The following CACNA2D1 variants were observed in gnomAD, a reference collection of about 807,000 sequenced individuals.
The protein encoded by CACNA2D1 is calcium voltage-gated channel auxiliary subunit alpha2delta 1.
Under a neutral mutation model 171.5 loss-of-function variants are expected in CACNA2D1, and 53 were observed. That is an observed-to-expected ratio of 0.31 (90% CI 0.25 to 0.39). The LOEUF (loss-of-function observed/expected upper bound fraction) is 0.39, where lower values mean the gene tolerates loss of function less well. Among genes scored for constraint, CACNA2D1 ranks in the 10% least tolerant of loss-of-function variants. The pLI is 1.00. For synonymous variants in CACNA2D1, 442 were observed against 443.1 expected (o/e 1.00, Z 0.03); for missense variants, 903 against 1,299.8 (o/e 0.69, Z 4.69).
intron 12 of CACNA2D1, among the ~76,000 whole-genome samples, chr7:82,017,356 T>A (rs1800624672): frequency 6.6e-6 from 1 of 152,166 alleles, no homozygotes; most frequent in Admixed American, 6.5e-5. Context: ...TCTTTGTACA[T>A]TTTAGCTAAT....
At chr7:82,151,415 A>G (rs1793842419) in intron 4 of CACNA2D1, among the ~76,000 whole-genome samples, 1 of 152,138 alleles carries the variant, frequency 6.6e-6, no homozygotes, top group African/African-American at 2.4e-5. Context: ...GTCAAATTTA[A>G]AAATCTACAT....
At chr7:82,143,503 G>A (rs1463579439) in intron 4 of CACNA2D1, among the ~76,000 whole-genome samples, 1 of 152,054 alleles carries the variant, frequency 6.6e-6, no homozygotes, top group Non-Finnish European at 1.5e-5. Context: ...TGTCTTTTAA[G>A]TGCTATCTTC....
chr7:82,320,160 C>T (rs990446760), intron 3 of CACNA2D1, among the ~76,000 whole-genome samples: 1 of 151,936 alleles, frequency 6.6e-6, no homozygotes, highest in East Asian at 1.9e-4. Flanking sequence ...AACAAAGGCA[C>T]TAATCTGCAG....
At chr7:82,080,324 G>T (rs1809594813) in intron 7 of CACNA2D1, among the ~76,000 whole-genome samples, 1 of 151,920 alleles carries the variant, frequency 6.6e-6, no homozygotes, top group African/African-American at 2.4e-5. Context: ...TAGCTCTGTG[G>T]CAAGTATTCA....
intron 2 of CACNA2D1, among the ~76,000 whole-genome samples, chr7:82,336,495 T>A (rs955211708): frequency 1.3e-5 from 2 of 152,228 alleles, no homozygotes; most frequent in Non-Finnish European, 2.9e-5. Flanking sequence ...GATTTTACCA[T>A]ACTCATGTGA....
chr7:82,030,325 A>G (rs76190933), intron 12 of CACNA2D1, among the ~76,000 whole-genome samples: 38,556 of 151,284 alleles, frequency 0.25, 4,982 homozygotes, highest in Middle Eastern at 0.48. Context: ...TGTGTGTTTA[A>G]AAAAAAGAAA....
intron 5 of CACNA2D1, 32 bp downstream of exon 5, chr7:82,136,603 T>C: frequency 6.5e-7 from 1 of 1,532,930 alleles, no homozygotes; most frequent in Non-Finnish European, 8.9e-7. Context: ...TATAATTTTC[T>C]TGGAATTTAA....
At chr7:82,012,748 GTTTCA>G (rs1047847402) in intron 14 of CACNA2D1, among the ~76,000 whole-genome samples, 3 of 152,004 alleles carry the variant, frequency 2.0e-5, no homozygotes, top group Non-Finnish European at 4.4e-5. Context: ...TGCAGCTGCT[GTTTCA>G]TTTCAACATT....
At chr7:82,425,306 G>A (rs1391545359) in intron 1 of CACNA2D1, among the ~76,000 whole-genome samples, 14 of 152,098 alleles carry the variant, frequency 9.2e-5, no homozygotes, top group African/African-American at 3.1e-4. Context: ...GATTTTGAAA[G>A]AGGAGCAGGA....
At chr7:82,067,392 G>C (rs1053549982) in intron 7 of CACNA2D1, among the ~76,000 whole-genome samples, 1 of 152,056 alleles carries the variant, frequency 6.6e-6, no homozygotes, top group South Asian at 2.1e-4. Context: ...AATCAATTTC[G>C]CTTTTCTGAG....
At chr7:82,156,012 T>C (rs572779747) in intron 4 of CACNA2D1, among the ~76,000 whole-genome samples, 4 of 152,202 alleles carry the variant, frequency 2.6e-5, no homozygotes, top group Non-Finnish European at 5.9e-5. Context: ...TAACACTCAA[T>C]TTACTAAAAA....
At chr7:82,367,490 C>T (rs1471258855) in intron 1 of CACNA2D1, among the ~76,000 whole-genome samples, 1 of 152,148 alleles carries the variant, frequency 6.6e-6, no homozygotes, top group Non-Finnish European at 1.5e-5. Context: ...TCCCTGCTTT[C>T]TGTCCTTCAC....
chr7:81,970,721 G>A lies in CACNA2D1; in HGVS notation c.2158C>T (p.Arg720Ter), dbSNP rs1301052604. 2 of 1,590,612 alleles carry A rather than the reference G, an allele frequency of 1.3e-6. No individual in the cohort carries two copies. Among genetic ancestry groups the A allele is most frequent in the Non-Finnish European group, 1.7e-6 (2 of 1,159,306 alleles). ...KQKNIKGVKA[R>*]FVVTDGGITR... ...ATCCCACCATCAGTCACAACAAATC[G>A]TGCTTTCACTCCCTTGCTGAAACAG... is the stretch of plus-strand genomic sequence containing the variant. Residue 720 changes from arginine to a stop codon, truncating the protein, a stop_gained, in exon 27 of 39, where the codon CGA (arginine) becomes TGA (stop). Coordinates refer to ENST00000356860, the MANE Select transcript of CACNA2D1 (RefSeq NM_000722.4). LOFTEE classifies it high-confidence loss of function.
intron 18 of CACNA2D1, among the ~76,000 whole-genome samples, chr7:82,003,902 C>T (rs1798866193): frequency 6.6e-6 from 1 of 152,028 alleles, no homozygotes; most frequent in African/African-American, 2.4e-5. Flanking sequence ...TGTGCCACCA[C>T]ACCCGGCTAA....
intron 3 of CACNA2D1, among the ~76,000 whole-genome samples, chr7:82,287,879 G>A (rs1021063364): frequency 3.3e-5 from 5 of 151,026 alleles, no homozygotes; most frequent in Admixed American, 1.3e-4. Flanking sequence ...TCGCTCTGTC[G>A]CCCAGGCTGG....
At chr7:81,996,619 T>G (rs1344536285) in intron 19 of CACNA2D1, among the ~76,000 whole-genome samples, 1 of 150,876 alleles carries the variant, frequency 6.6e-6, no homozygotes, top group East Asian at 1.9e-4. Context: ...CTCTTGAGAA[T>G]CCATGACTAA....
At chr7:82,239,053 T>C (rs1463863991) in intron 3 of CACNA2D1, among the ~76,000 whole-genome samples, 1 of 151,990 alleles carries the variant, frequency 6.6e-6, no homozygotes, top group Non-Finnish European at 1.5e-5. Context: ...GAAAAGAAAA[T>C]AGCAACCAAT....
intron 3 of CACNA2D1, among the ~76,000 whole-genome samples, chr7:82,264,649 AG>A (rs751746558): frequency 1.4e-4 from 21 of 152,328 alleles, no homozygotes; most frequent in Middle Eastern, 6.8e-3. Context: ...GAAAAGGAAA[AG>A]AATGGGCCAG....
In CACNA2D1 at chr7:82,408,417, G is replaced by A. The variant is rs552863422; in HGVS notation, c.95+34948C>T. Among the ~76,000 whole-genome samples, 7 of 152,228 alleles carry A rather than the reference G, an allele frequency of 4.6e-5. 1 individual carries two copies. Among genetic ancestry groups the A allele is most frequent in the Middle Eastern group, 3.4e-3 (1 of 294 alleles). On this transcript the variant is annotated intron_variant, in intron 1 of 38. Transcript: ENST00000356860. ...CAATGCTTTTGAGACCAGAATGGCT[G>A]CTGGGACAGTACACGAAACCTGACT...
Sources: gnomAD v4.1 joint callset for allele counts (sites outside exome capture counted in the v4.1 genomes callset) on GRCh38, gnomAD v4.1.1 for gene constraint, MANE v1.5 for transcripts, NCBI Gene and HGNC (gene_info 2026-07-23, HGNC 2026-07-21) for gene names.